TBC1D8: variants seen among roughly 807,000 people sequenced by gnomAD.
TBC1D8 encodes BUB2-like protein 1.
Under a neutral mutation model 118.8 loss-of-function variants are expected in TBC1D8, and 65 were observed. That is an observed-to-expected ratio of 0.55 (90% CI 0.45 to 0.67). The LOEUF is 0.67. Ranked by LOEUF, TBC1D8 falls within the 30% of genes least tolerant of loss-of-function variation. The pLI, the probability that TBC1D8 is intolerant of heterozygous loss-of-function variation, is 0.00. For synonymous variants in TBC1D8, 566 were observed against 595.8 expected (o/e 0.95, Z 0.73); for missense variants, 1,376 against 1,471.2 (o/e 0.94, Z 1.06).
At chr2:101,106,020 G>A (rs1574044651) in intron 1 of TBC1D8, among the ~76,000 whole-genome samples, 1 of 151,794 alleles carries the variant, frequency 6.6e-6, no homozygotes, top group East Asian at 1.9e-4. Flanking sequence ...CCATTCAGTA[G>A]AGTATTATTC....
rs1215707930 is a variant in TBC1D8 at position 101,090,319 on chromosome 2, C to T, written c.173G>A (p.Arg58Gln). ...AAGCAGAATTCGAAATGGAGCGACCCGTGCATTGGAATCCAACACTGCATC... is the reference window on the plus strand; with the variant it reads ...AAGCAGAATTCGAAATGGAGCGACCTGTGCATTGGAATCCAACACTGCATC... Reference protein sequence around the residue: ...ALDAVLDSNARVAPFRILLQV... With the variant: ...ALDAVLDSNAQVAPFRILLQV... The change falls in exon 2 of 20, where the codon CGG (arginine) becomes CAG (glutamine). Residue 58 changes from arginine to glutamine, a missense_variant. Arg to Gln is a conservative substitution (Grantham distance 43). Transcript: ENST00000409318. 4 of 1,613,868 alleles carry T rather than the reference C, an allele frequency of 2.5e-6. No individual in the cohort carries two copies. Among genetic ancestry groups the T allele is most frequent in the African/African-American group, 1.3e-5 (1 of 74,932 alleles).
chr2:101,049,135 G>A (rs1681894078), intron 5 of TBC1D8, among the ~76,000 whole-genome samples: 1 of 152,000 alleles, frequency 6.6e-6, no homozygotes, highest in African/African-American at 2.4e-5. Context: ...TGGAATTGCT[G>A]GACACTAGGA....
chr2:101,009,424 GA>G (rs78162684), intron 19 of TBC1D8, among the ~76,000 whole-genome samples: 1 of 143,678 alleles, frequency 7.0e-6, no homozygotes, highest in East Asian at 2.0e-4. Context: ...AAAAAAAAAA[GA>G]AAAATGCTTG....
At chr2:101,055,064 C>G (rs1373558610) in intron 3 of TBC1D8, among the ~76,000 whole-genome samples, 1 of 151,956 alleles carries the variant, frequency 6.6e-6, no homozygotes, top group Admixed American at 6.6e-5. Flanking sequence ...AGCATCAATC[C>G]CAAAGAACTA....
chr2:101,111,247 C>T (rs966826126), intron 1 of TBC1D8, among the ~76,000 whole-genome samples: 8 of 152,296 alleles, frequency 5.3e-5, no homozygotes, highest in African/African-American at 1.2e-4. Context: ...ATGATCCCCA[C>T]GAATTCCCAC....
chr2:101,014,260 A>T (rs17025184), intron 17 of TBC1D8, among the ~76,000 whole-genome samples: 1 of 151,736 alleles, frequency 6.6e-6, no homozygotes, highest in East Asian at 1.9e-4. Flanking sequence ...CTTCTGTGGC[A>T]TTTTAACTCA....
At position 101,099,766 on chromosome 2, in the gene TBC1D8, G is replaced by A. The variant is rs532815491; in HGVS notation, c.128-9402C>T. 3.3e-5 allele frequency among the ~76,000 whole-genome samples: 5 copies of A among 152,254 alleles called. No individual in the cohort carries two copies. In the South Asian group the frequency reaches 1.0e-3, roughly 32 times the overall value. ...ACAGAACCAAAGACAAAAACCACAT[G>A]ATTATCTCAATGGATGCAGAAAAGG... On this transcript the variant is annotated intron_variant, in intron 1 of 19. Transcript: ENST00000409318.
intron 11 of TBC1D8, among the ~76,000 whole-genome samples, chr2:101,030,528 G>A (rs1680608717): frequency 6.6e-6 from 1 of 152,196 alleles, no homozygotes. Context: ...GCAAGGATGT[G>A]GAGCAAGCTG....
intron 1 of TBC1D8, among the ~76,000 whole-genome samples, chr2:101,113,170 G>C (rs1168182160): frequency 2.6e-5 from 4 of 152,070 alleles, no homozygotes; most frequent in Non-Finnish European, 5.9e-5. Context: ...ATCTCAATTT[G>C]TCCTCCTAAA....
intron 18 of TBC1D8, 187 bp downstream of exon 18, chr2:101,011,264 G>T (rs1334593339): frequency 9.9e-6 from 7 of 708,412 alleles, no homozygotes; most frequent in Non-Finnish European, 1.4e-5. Context: ...TGGGGGCAAG[G>T]GGCAGCCACC....
At chr2:101,149,935 T>A (rs1679480726) in intron 1 of TBC1D8, among the ~76,000 whole-genome samples, 1 of 152,178 alleles carries the variant, frequency 6.6e-6, no homozygotes, top group African/African-American at 2.4e-5. Context: ...CCGTCCAGAA[T>A]CCTAACTACA....
At chr2:101,137,438 G>A (rs572999887) in intron 1 of TBC1D8, among the ~76,000 whole-genome samples, 1 of 151,964 alleles carries the variant, frequency 6.6e-6, no homozygotes, top group East Asian at 1.9e-4. Flanking sequence ...TCAGCCTCTC[G>A]AGTAGCTGGG....
chr2:101,079,563 A>T (rs972596019), intron 2 of TBC1D8, among the ~76,000 whole-genome samples: 1 of 146,968 alleles, frequency 6.8e-6, no homozygotes, highest in East Asian at 2.1e-4. Context: ...TTCTGTAGAA[A>T]CAGGGTCTTG....
At chr2:101,023,522 C>A (rs1271785609) in intron 15 of TBC1D8, 1 of 346,672 alleles carries the variant, frequency 2.9e-6, no homozygotes, top group Non-Finnish European at 5.8e-6. Context: ...ACCCTGGCTA[C>A]CTGTGGGGAG....
chr2:101,138,700 G>T (rs560602063), intron 1 of TBC1D8, among the ~76,000 whole-genome samples: 1 of 152,280 alleles, frequency 6.6e-6, no homozygotes, highest in East Asian at 1.9e-4. Flanking sequence ...TGTACTGGAG[G>T]GGACGTGGCA....
At position 101,008,276 on chromosome 2, in the gene TBC1D8, G is replaced by A. The variant is rs563623692; in HGVS notation, c.3016-3C>T. On this transcript the variant is annotated splice_polypyrimidine_tract_variant and splice_region_variant and intron_variant, in intron 19 of 19. Coordinates refer to ENST00000409318, the MANE Select transcript of TBC1D8 (RefSeq NM_001330348.2). ...TTACAGAACTGGATAAATTCTCTCT[G>A]AAATTGAAATAAGTCTTAGGTAGCA... 14 of 1,516,052 alleles carry A rather than the reference G, an allele frequency of 9.2e-6. No individual in the cohort carries two copies. The highest frequency in any genetic ancestry group is 8.0e-5 in the South Asian group (6 of 74,548). The allele number at this position is 1,516,052 out of a possible 1,614,324, so 93.9% of individuals were successfully genotyped here.
chr2:101,054,953 A>G (rs1682331882), intron 3 of TBC1D8, among the ~76,000 whole-genome samples: 1 of 151,170 alleles, frequency 6.6e-6, no homozygotes, highest in Admixed American at 6.6e-5. Flanking sequence ...AAGTGCTGGG[A>G]TTACAGGCAT....
intron 17 of TBC1D8, among the ~76,000 whole-genome samples, chr2:101,014,279 A>G (rs1320774256): frequency 6.6e-6 from 1 of 152,098 alleles, no homozygotes; most frequent in African/African-American, 2.4e-5. Context: ...CAGGATCCCA[A>G]TCCAAGGCCA....
chr2:101,086,310 A>T (rs1675621008), intron 2 of TBC1D8, among the ~76,000 whole-genome samples: 1 of 152,158 alleles, frequency 6.6e-6, no homozygotes, highest in African/African-American at 2.4e-5. Flanking sequence ...GATAACAGCT[A>T]TCCAACATAA....
Sources: gnomAD v4.1 joint callset for allele counts (sites outside exome capture counted in the v4.1 genomes callset) on GRCh38, gnomAD v4.1.1 for gene constraint, MANE v1.5 for transcripts, NCBI Gene and HGNC (gene_info 2026-07-23, HGNC 2026-07-21) for gene names.